CDH12: variants seen among roughly 807,000 people sequenced by gnomAD.
CDH12 encodes cadherin 12.
In CDH12, 41 loss-of-function variants were observed where a neutral mutation model predicts 74.1. That is an observed-to-expected ratio of 0.55 (90% CI 0.43 to 0.72). The LOEUF is 0.72. CDH12 is among the 30% of genes least tolerant of loss of function. The pLI is 0.00. For missense variants in CDH12, 945 were observed against 977.2 expected (o/e 0.97, Z 0.44); for synonymous variants, 399 against 355.0 (o/e 1.12, Z -1.39).
chr5:21,849,773 C>G (rs1287200100), intron 7 of CDH12, among the ~76,000 whole-genome samples: 4 of 151,570 alleles, frequency 2.6e-5, no homozygotes, highest in Non-Finnish European at 4.4e-5. Flanking sequence ...ATGCTCTATC[C>G]CCATGTGACC....
At chr5:22,760,671 T>C (rs1203471388) in intron 1 of CDH12, among the ~76,000 whole-genome samples, 1 of 75,988 alleles carries the variant, frequency 1.3e-5, no homozygotes, top group African/African-American at 5.8e-5. Flanking sequence ...AGGATAAGAC[T>C]CCGTCTCAAA....
At chr5:22,308,173 G>A (rs762195134) in intron 3 of CDH12, among the ~76,000 whole-genome samples, 3 of 151,900 alleles carry the variant, frequency 2.0e-5, no homozygotes, top group Admixed American at 6.6e-5. Context: ...AGCCCCCCGC[G>A]CCTGGCCTAG....
chr5:22,478,391 C>A lies in CDH12; in HGVS notation c.-428+26879G>T, dbSNP rs1198129909. ...AGAGACCGCGCCACTGCCCTCCAGC[C>A]TGGGCGACAGAGCGAGACTCCGTCT... is the stretch of plus-strand genomic sequence containing the variant. On this transcript the variant is annotated intron_variant, in intron 2 of 14. Transcript: ENST00000382254. Among the ~76,000 whole-genome samples the A allele has an allele frequency of 2.5e-5, 3 of 122,128 alleles. No homozygotes were observed. The Admixed American group carries it at 3.5e-4, about 14-fold the overall frequency. The allele number at this position is 122,128 out of a possible 152,430, so 80.1% of individuals were successfully genotyped here.
chr5:22,092,069 C>CT (rs891040984), intron 4 of CDH12, among the ~76,000 whole-genome samples: 2 of 151,486 alleles, frequency 1.3e-5, no homozygotes, highest in Non-Finnish European at 2.9e-5. Flanking sequence ...GTAAATGATC[C>CT]TGGGGCAATT....
At chr5:21,811,167 A>G (rs967583376) in intron 9 of CDH12, among the ~76,000 whole-genome samples, 1 of 152,242 alleles carries the variant, frequency 6.6e-6, no homozygotes, top group East Asian at 1.9e-4. Flanking sequence ...GTAACATCAA[A>G]ATGGTAAGCA....
chr5:22,631,241 A>T (rs1385687003), intron 1 of CDH12, among the ~76,000 whole-genome samples: 1 of 152,146 alleles, frequency 6.6e-6, no homozygotes, highest in African/African-American at 2.4e-5. Flanking sequence ...TCCTCAAAGA[A>T]CTTAAAACAG....
intron 11 of CDH12, among the ~76,000 whole-genome samples, chr5:21,780,123 C>T (rs996462696): frequency 6.6e-6 from 1 of 152,154 alleles, no homozygotes. Flanking sequence ...CCAGTTCTGC[C>T]TATGACCCAG....
rs1453697945 is a variant in CDH12, at chr5:22,399,233, T to TCTATCTAC, written c.-333+6023_-333+6024insGTAGATAG. 2.0e-5 allele frequency among the ~76,000 whole-genome samples: 3 copies of TCTATCTAC among 149,362 alleles called. No homozygotes were observed. In the Admixed American group the frequency reaches 2.0e-4, roughly 10 times the overall value. Reference sequence around the variant, plus strand: ...ATCTATCTATCTATCTATCTATCTATCTAATCTAAACAAGTAGTGTAACAT... The same window carrying TCTATCTAC: ...ATCTATCTATCTATCTATCTATCTATCTATCTACCTAATCTAAACAAGTAGTGTAACAT... On this transcript the variant is annotated intron_variant, in intron 3 of 14. Coordinates refer to ENST00000382254, the MANE Select transcript of CDH12 (RefSeq NM_004061.5).
intron 1 of CDH12, among the ~76,000 whole-genome samples, chr5:22,756,855 G>A (rs6888309): frequency 0.083 from 12,671 of 151,828 alleles, 724 homozygotes; most frequent in African/African-American, 0.15. Context: ...AACTACTCAG[G>A]AGGCTGAGAC....
At chr5:22,430,373 A>C (rs773981806) in intron 2 of CDH12, among the ~76,000 whole-genome samples, 7 of 151,896 alleles carry the variant, frequency 4.6e-5, no homozygotes, top group Non-Finnish European at 1.0e-4. Context: ...TGGTGGCTAC[A>C]TAGTACCCAT....
intron 1 of CDH12, among the ~76,000 whole-genome samples, chr5:22,600,118 C>T (rs888156036): frequency 6.6e-6 from 1 of 152,108 alleles, no homozygotes; most frequent in African/African-American, 2.4e-5. Flanking sequence ...TGCTGTTGGG[C>T]AGGTCCTTTT....
chr5:21,961,464 A>G (rs1414337050), intron 6 of CDH12, among the ~76,000 whole-genome samples: 1 of 152,168 alleles, frequency 6.6e-6, no homozygotes, highest in African/African-American at 2.4e-5. Flanking sequence ...CTAGCTCTTA[A>G]TTTGAGTGCG....
chr5:22,543,948 G>A (rs1272142104), intron 1 of CDH12, among the ~76,000 whole-genome samples: 2 of 151,194 alleles, frequency 1.3e-5, no homozygotes, highest in East Asian at 3.9e-4. Flanking sequence ...TAACAGTGCC[G>A]TGGACAAGTC....
chr5:22,117,512 A>AAT (rs368083045), intron 4 of CDH12, among the ~76,000 whole-genome samples: 20,041 of 52,950 alleles, frequency 0.38, 3,982 homozygotes, highest in South Asian at 0.52. Flanking sequence ...ATATATATAT[A>AAT]ATATATATAT....
intron 3 of CDH12, among the ~76,000 whole-genome samples, chr5:22,217,555 A>G (rs1751850990): frequency 6.6e-6 from 1 of 151,692 alleles, no homozygotes; most frequent in Non-Finnish European, 1.5e-5. Context: ...GTTAGCTCTG[A>G]TTTATTCTAT....
chr5:22,090,937 G>T (rs1014071894), intron 4 of CDH12, among the ~76,000 whole-genome samples: 1 of 151,784 alleles, frequency 6.6e-6, no homozygotes, highest in African/African-American at 2.4e-5. Flanking sequence ...CCTGCAAGCT[G>T]ACAAAGATAA....
intron 4 of CDH12, among the ~76,000 whole-genome samples, chr5:22,158,074 G>A (rs1396856520): frequency 6.6e-6 from 1 of 151,906 alleles, no homozygotes; most frequent in African/African-American, 2.4e-5. Flanking sequence ...TAGAGGGAGA[G>A]TACAACTTTA....
At chr5:21,998,757 G>A (rs985061601) in intron 5 of CDH12, among the ~76,000 whole-genome samples, 2 of 151,986 alleles carry the variant, frequency 1.3e-5, no homozygotes, top group African/African-American at 2.4e-5. Flanking sequence ...ATTTGAATGA[G>A]GGAACCACAG....
chr5:22,155,509 T>C (rs1276314339), intron 4 of CDH12, among the ~76,000 whole-genome samples: 3 of 152,160 alleles, frequency 2.0e-5, no homozygotes, highest in Admixed American at 2.0e-4. Context: ...ACTACCTAAT[T>C]ACAATATTAG....
Sources: allele counts gnomAD v4.1 joint callset (sites outside exome capture counted in the v4.1 genomes callset), GRCh38; gene constraint gnomAD v4.1.1; transcripts MANE v1.5; gene names NCBI Gene and HGNC (gene_info 2026-07-23, HGNC 2026-07-21).